MLIP: variants seen among roughly 807,000 people sequenced by gnomAD.
MLIP encodes the protein muscular LMNA-interacting protein.
Under a neutral mutation model 84.8 loss-of-function variants are expected in MLIP, and 79 were observed. The ratio of observed to expected loss-of-function variants is 0.93; its 90% CI spans 0.78 to 1.12. The LOEUF (loss-of-function observed/expected upper bound fraction) is 1.12, where lower values mean the gene tolerates loss of function less well. MLIP is among the 50% of genes most tolerant of loss of function. The probability of loss-of-function intolerance (pLI) is 0.00; values close to 1 mark genes in which losing one functional copy is unlikely to be tolerated. For missense variants in MLIP, 1,257 were observed against 1,160.6 expected (o/e 1.08, Z -1.21); for synonymous variants, 504 against 463.0 (o/e 1.09, Z -1.14).
intron 12 of MLIP, among the ~76,000 whole-genome samples, chr6:54,254,248 T>G (rs543313975): frequency 6.6e-6 from 1 of 151,442 alleles, no homozygotes; most frequent in East Asian, 2.0e-4. Flanking sequence ...TGCCTCAGCC[T>G]CCTGAGTAGC....
intron 1 of MLIP, among the ~76,000 whole-genome samples, chr6:54,051,108 C>T (rs1691000790): frequency 6.6e-6 from 1 of 151,954 alleles, no homozygotes; most frequent in Non-Finnish European, 1.5e-5. Context: ...TTTCTTGCTC[C>T]ACTTTCCCTT....
rs189217116 is a variant in MLIP at position 54,060,637 on chromosome 6, T to A, written c.63+41546T>A. ...ACATTTCGATATCTTTAGATGAAAA[T>A]CTATGGAATGGGAGTAGGAAACATT... On this transcript the variant is annotated intron_variant, in intron 1 of 12. Coordinates refer to the MLIP transcript ENST00000274897. 5.3e-5 allele frequency among the ~76,000 whole-genome samples: 8 copies of A among 152,300 alleles called. No homozygotes were observed. In the East Asian group the frequency reaches 1.4e-3, roughly 26 times the overall value.
intron 1 of MLIP, among the ~76,000 whole-genome samples, chr6:54,024,274 A>C (rs1006205275): frequency 2.0e-5 from 3 of 152,324 alleles, no homozygotes; most frequent in South Asian, 4.1e-4. Context: ...AGCCTCCCAA[A>C]GTGTTGGGAT....
intron 1 of MLIP, among the ~76,000 whole-genome samples, chr6:54,037,237 CA>C (rs1200939341): frequency 9.9e-5 from 15 of 152,084 alleles, no homozygotes; most frequent in African/African-American, 3.4e-4. Context: ...CCTAAGAAGA[CA>C]GGGGTACATC....
intron 8 of MLIP, 38 bp downstream of exon 8, chr6:54,160,837 A>G (rs1774561913): frequency 1.3e-6 from 2 of 1,535,088 alleles, no homozygotes; most frequent in Non-Finnish European, 1.8e-6. Flanking sequence ...GAACCATAAG[A>G]TTTATTAGAT....
intron 8 of MLIP, among the ~76,000 whole-genome samples, chr6:54,163,682 C>T (rs1774889787): frequency 6.6e-6 from 1 of 151,944 alleles, no homozygotes; most frequent in South Asian, 2.1e-4. Flanking sequence ...CAAGCACATA[C>T]ATATACAATT....
chr6:54,247,539 T>C (rs1048420470), intron 12 of MLIP, among the ~76,000 whole-genome samples: 1 of 152,122 alleles, frequency 6.6e-6, no homozygotes, highest in Non-Finnish European at 1.5e-5. Context: ...ACACTGGGTG[T>C]ACTGACAGTT....
chr6:54,155,195 G>A (rs1286418596), intron 5 of MLIP, among the ~76,000 whole-genome samples: 3 of 152,176 alleles, frequency 2.0e-5, no homozygotes, highest in Middle Eastern at 3.4e-3. Flanking sequence ...CCTTTGGTTT[G>A]CAGTGTACTT....
intron 9 of MLIP, among the ~76,000 whole-genome samples, chr6:54,181,512 T>C (rs1776867915): frequency 1.3e-5 from 2 of 152,210 alleles, no homozygotes; most frequent in Non-Finnish European, 1.5e-5. Context: ...TCTACCTCCC[T>C]GTGATCAAGC....
rs1387144651 is a variant in MLIP at position 54,113,822 on chromosome 6, G to A, written c.96+2247G>A. Among the ~76,000 whole-genome samples the A allele has an allele frequency of 2.6e-5, 4 of 152,244 alleles. No individual in the cohort carries two copies. The East Asian group carries it at 7.7e-4, about 29-fold the overall frequency. Reference sequence around the variant, plus strand: ...TGTTTCCTGAGCACAGAGACCTCTAGTTCCTTCAACTTGAGGGTTCTTCCT... The same window carrying A: ...TGTTTCCTGAGCACAGAGACCTCTAATTCCTTCAACTTGAGGGTTCTTCCT... On this transcript the variant is annotated intron_variant, in intron 1 of 13. Transcript: ENST00000502396.
At chr6:54,090,306 A>T (rs1767778447) in intron 1 of MLIP, among the ~76,000 whole-genome samples, 1 of 152,100 alleles carries the variant, frequency 6.6e-6, no homozygotes, top group Non-Finnish European at 1.5e-5. Context: ...TCTTATTAGG[A>T]TGTCTTGAGA....
intron 12 of MLIP, among the ~76,000 whole-genome samples, chr6:54,243,459 G>C (rs56323630): frequency 6.6e-6 from 1 of 152,218 alleles, no homozygotes; most frequent in East Asian, 1.9e-4. Context: ...GAACTGGGGG[G>C]AAAAAGCAGG....
At chr6:54,263,674 G>A (rs1445375038) in intron 13 of MLIP, among the ~76,000 whole-genome samples, 1 of 151,890 alleles carries the variant, frequency 6.6e-6, no homozygotes, top group Non-Finnish European at 1.5e-5. Context: ...TTGGCTTAAT[G>A]TTTCAGAAGA....
upstream of MLIP, among the ~76,000 whole-genome samples, chr6:54,106,460 C>A (rs1001022339): frequency 6.6e-6 from 1 of 152,074 alleles, no homozygotes; most frequent in African/African-American, 2.4e-5. Context: ...AGCAGAAAGA[C>A]CAATTAGGAG....
At chr6:54,158,707 T>TA (rs543901696) in intron 5 of MLIP, among the ~76,000 whole-genome samples, 7 of 151,720 alleles carry the variant, frequency 4.6e-5, no homozygotes, top group African/African-American at 1.7e-4. Flanking sequence ...GCTGAGCTCA[T>TA]AAAAAAAAGT....
intron 9 of MLIP, among the ~76,000 whole-genome samples, chr6:54,188,917 C>T (rs1345743001): frequency 2.6e-5 from 4 of 152,132 alleles, no homozygotes; most frequent in Non-Finnish European, 2.9e-5. Flanking sequence ...TTTATGCCAA[C>T]AACAACAAAA....
intron 1 of MLIP, chr6:54,043,302 T>C (rs1156396501): frequency 2.0e-5 from 3 of 147,198 alleles, no homozygotes; most frequent in Admixed American, 6.9e-5. Flanking sequence ...GATATGTTTC[T>C]ATTTGTTTTA....
At chr6:54,059,146 A>G (rs1431519812) in intron 1 of MLIP, among the ~76,000 whole-genome samples, 2 of 152,214 alleles carry the variant, frequency 1.3e-5, no homozygotes, top group African/African-American at 2.4e-5. Flanking sequence ...CTAAGGGCCT[A>G]CCTAGCTTGC....
upstream of MLIP, among the ~76,000 whole-genome samples, chr6:54,106,889 G>A (rs1025046737): frequency 2.0e-5 from 3 of 152,154 alleles, no homozygotes; most frequent in African/African-American, 4.8e-5. Context: ...CTAAGTAACT[G>A]GATGTGATCA....
Sources: gnomAD v4.1 joint callset for allele counts (sites outside exome capture counted in the v4.1 genomes callset) on GRCh38, gnomAD v4.1.1 for gene constraint, MANE v1.5 for transcripts, NCBI Gene and HGNC (gene_info 2026-07-23, HGNC 2026-07-21) for gene names.